The following TMED3 variants were observed in gnomAD, a reference collection of about 807,000 sequenced individuals.
TMED3 encodes transmembrane p24 trafficking protein 3.
A neutral mutation model predicts 15.0 loss-of-function variants in TMED3; 9 were observed. The observed-to-expected ratio is 0.60, with a 90% CI of 0.36 to 1.04. TMED3 has a LOEUF of 1.04. TMED3 is among the 50% of genes least tolerant of loss of function. TMED3 has a pLI of 0.01. For synonymous variants in TMED3, 117 were observed against 121.4 expected (o/e 0.96, Z 0.24); for missense variants, 267 against 278.9 (o/e 0.96, Z 0.30).
chr15:79,351,649 T>A (rs2058891444), intron 2 of TMED3, among the ~76,000 whole-genome samples: 1 of 152,138 alleles, frequency 6.6e-6, no homozygotes, highest in Non-Finnish European at 1.5e-5. Flanking sequence ...GTGCAACCAC[T>A]ATGGAAAGCA....
chr15:79,358,418 A>C (rs186860237), intron 2 of TMED3, among the ~76,000 whole-genome samples: 76 of 152,330 alleles, frequency 5.0e-4, no homozygotes, highest in Middle Eastern at 6.8e-3. Flanking sequence ...TGGTTCAGGG[A>C]TGCTGCTGAC....
intron 2 of TMED3, among the ~76,000 whole-genome samples, chr15:79,321,560 GC>G (rs2058766913): frequency 6.6e-6 from 1 of 152,222 alleles, no homozygotes; most frequent in Non-Finnish European, 1.5e-5. Context: ...TTCACACTTT[GC>G]TGTTTATTAG....
chr15:79,411,394 A>G (rs1217661401), intron 2 of TMED3: 11 of 702,464 alleles, frequency 1.6e-5, no homozygotes, highest in Non-Finnish European at 2.6e-5. Flanking sequence ...TTTTTGAACA[A>G]TGAAGAGATT....
chr15:79,340,169 A>C (rs2058846522), intron 2 of TMED3, among the ~76,000 whole-genome samples: 2 of 152,204 alleles, frequency 1.3e-5, no homozygotes, highest in Non-Finnish European at 2.9e-5. Context: ...TTTTTGAAGA[A>C]CTGCAGCAAT....
At chr15:79,318,767 G>A (rs1261494919) in intron 2 of TMED3, among the ~76,000 whole-genome samples, 5 of 152,116 alleles carry the variant, frequency 3.3e-5, no homozygotes, top group African/African-American at 1.2e-4. Flanking sequence ...AGCATTCCCC[G>A]GAGAGCTAGG....
intron 2 of TMED3, among the ~76,000 whole-genome samples, chr15:79,373,434 C>G (rs1232998314): frequency 6.6e-6 from 1 of 152,132 alleles, no homozygotes; most frequent in African/African-American, 2.4e-5. Flanking sequence ...GTGAATTTCC[C>G]TCGCCTCCCA....
intron 2 of TMED3, among the ~76,000 whole-genome samples, chr15:79,320,790 C>T (rs564686995): frequency 1.0e-3 from 154 of 152,228 alleles, no homozygotes; most frequent in Middle Eastern, 3.4e-3. Context: ...CACTTATTAC[C>T]GCACAGCTCT....
chr15:79,312,170 C>T (rs1596046678), intron 1 of TMED3, among the ~76,000 whole-genome samples: 1 of 152,262 alleles, frequency 6.6e-6, no homozygotes, highest in Middle Eastern at 3.4e-3. Context: ...TGCTTGTGGA[C>T]GCATGCTGAT....
intron 2 of TMED3, among the ~76,000 whole-genome samples, chr15:79,368,010 C>G (rs1045913296): frequency 6.6e-6 from 1 of 152,154 alleles, no homozygotes; most frequent in Non-Finnish European, 1.5e-5. Flanking sequence ...CCTCAGCTCC[C>G]CATTGCCTGG....
At chr15:79,408,635 A>G (rs1893931998) in intron 2 of TMED3, among the ~76,000 whole-genome samples, 1 of 152,118 alleles carries the variant, frequency 6.6e-6, no homozygotes, top group Non-Finnish European at 1.5e-5. Flanking sequence ...ACTCAGAGAG[A>G]ATGGCCCCTG....
At chr15:79,382,895 A>G in intron 2 of TMED3, 1 of 1,397,918 alleles carries the variant, frequency 7.2e-7, no homozygotes, top group Non-Finnish European at 9.8e-7. Context: ...GTTCTTACCA[A>G]CACAATATAG....
In TMED3 at chr15:79,405,676, G is replaced by A. The variant is rs149432057; in HGVS notation, c.418-5724G>A. On this transcript the variant is annotated intron_variant, in intron 2 of 2. Transcript: ENST00000424155. The stretch of plus-strand genomic sequence containing the variant: ...CATGGCTTTTTTCTCCAATATTCTG[G>A]CAGTATGTATTTTCCTTGGGTATCT... Among the ~76,000 whole-genome samples the A allele has an allele frequency of 1.4e-4, 22 of 152,248 alleles. No homozygotes were observed. In the East Asian group the frequency reaches 3.9e-3, roughly 27 times the overall value.
intron 2 of TMED3, among the ~76,000 whole-genome samples, chr15:79,344,401 C>G (rs943679623): frequency 6.6e-6 from 1 of 152,190 alleles, no homozygotes; most frequent in Non-Finnish European, 1.5e-5. Context: ...AGGGTTGGCT[C>G]CTTCCAGATG....
rs76503386 is a variant in TMED3, at chr15:79,315,752, C to T, written c.417+1747C>T. On this transcript the variant is annotated intron_variant, in intron 2 of 2. Transcript: ENST00000299705. ...CCTTCCACTTCTCTTACCCCGCCAC[C>T]TTGAACCATCTGTGCCTGCCTTTGA... is the stretch of plus-strand genomic sequence containing the variant. Among the ~76,000 whole-genome samples the T allele has an allele frequency of 5.0e-3, 755 of 152,320 alleles. 9 individuals carry two copies. The highest frequency in any genetic ancestry group is 0.018 in the African/African-American group (733 of 41,568).
chr15:79,395,693 C>T (rs1211716336), intron 2 of TMED3, among the ~76,000 whole-genome samples: 1 of 151,994 alleles, frequency 6.6e-6, no homozygotes, highest in Non-Finnish European at 1.5e-5. Context: ...TTAAATTTAC[C>T]AACATATTTT....
intron 2 of TMED3, among the ~76,000 whole-genome samples, chr15:79,367,018 C>T (rs561651428): frequency 5.3e-5 from 8 of 152,140 alleles, no homozygotes; most frequent in Admixed American, 6.5e-5. Flanking sequence ...ACAGCACAAT[C>T]TCAATTCATA....
chr15:79,408,904 C>T (rs976934204), intron 2 of TMED3, among the ~76,000 whole-genome samples: 8 of 152,224 alleles, frequency 5.3e-5, no homozygotes, highest in Non-Finnish European at 8.8e-5. Context: ...TTTTATCTCA[C>T]TGTGAATCTC....
At chr15:79,340,562 G>A (rs1226312509) in intron 2 of TMED3, among the ~76,000 whole-genome samples, 6 of 152,210 alleles carry the variant, frequency 3.9e-5, no homozygotes, top group Non-Finnish European at 8.8e-5. Flanking sequence ...AATTCGTTAT[G>A]CAGCAAAAGA....
downstream of TMED3, chr15:79,322,911 AT>A: frequency 1.0e-6 from 1 of 984,552 alleles, no homozygotes; most frequent in Non-Finnish European, 1.2e-6. Flanking sequence ...GGGTGTGTGC[AT>A]AAATAATTAG....
Sources: gnomAD v4.1 joint callset for allele counts (sites outside exome capture counted in the v4.1 genomes callset) on GRCh38, gnomAD v4.1.1 for gene constraint, MANE v1.5 for transcripts, NCBI Gene and HGNC (gene_info 2026-07-23, HGNC 2026-07-21) for gene names.